Variants in FSTL4 observed in about 807,000 individuals in gnomAD.
The protein encoded by FSTL4 is follistatin like 4, also known as follistatin-related protein 4.
A neutral mutation model predicts 78.2 loss-of-function variants in FSTL4; 28 were observed. That is an observed-to-expected ratio of 0.36 (90% confidence interval 0.27 to 0.49). The LOEUF (loss-of-function observed/expected upper bound fraction) is 0.49, where lower values mean the gene tolerates loss of function less well. Among genes scored for constraint, FSTL4 ranks in the 20% least tolerant of loss-of-function variants. The pLI is 0.98. For synonymous variants in FSTL4, 422 were observed against 440.5 expected (o/e 0.96, Z 0.53); for missense variants, 922 against 1,084.9 (o/e 0.85, Z 2.11).
At chr5:133,308,850 G>A (rs927143345) in intron 6 of FSTL4, among the ~76,000 whole-genome samples, 3 of 152,160 alleles carry the variant, frequency 2.0e-5, no homozygotes, top group African/African-American at 7.2e-5. Context: ...CTGACACCCT[G>A]CCTGTGTGGT....
chr5:133,837,036 T>C, the FSTL4 span, among the ~76,000 whole-genome samples: 1 of 152,142 alleles, frequency 6.6e-6, no homozygotes, highest in South Asian at 2.1e-4. Flanking sequence ...AAATATGGCT[T>C]CTACCCCTCC....
intron 3 of FSTL4, among the ~76,000 whole-genome samples, chr5:133,557,403 G>T (rs73788148): frequency 0.011 from 1,601 of 152,284 alleles, 32 homozygotes; most frequent in African/African-American, 0.037. Flanking sequence ...TATGCTTAGA[G>T]AATTTCCTTT....
the FSTL4 span, among the ~76,000 whole-genome samples, chr5:133,718,534 C>T: frequency 6.6e-6 from 1 of 152,166 alleles, no homozygotes; most frequent in Non-Finnish European, 1.5e-5. Context: ...TACATATACT[C>T]ATGCAAGTTT....
At chr5:133,832,597 A>G in the FSTL4 span, among the ~76,000 whole-genome samples, 3 of 152,380 alleles carry the variant, frequency 2.0e-5, no homozygotes, top group African/African-American at 4.8e-5. Flanking sequence ...CCCATGGGCA[A>G]GTCCATATGG....
chr5:133,786,618 G>T, the FSTL4 span, among the ~76,000 whole-genome samples: 2 of 152,218 alleles, frequency 1.3e-5, no homozygotes, highest in Non-Finnish European at 1.5e-5. Flanking sequence ...ACACCCAGGG[G>T]AGAGGGATGC....
chr5:133,744,495 G>C, the FSTL4 span, among the ~76,000 whole-genome samples: 6 of 152,328 alleles, frequency 3.9e-5, no homozygotes, highest in Admixed American at 1.3e-4. Flanking sequence ...ACATCCCTTT[G>C]TAGGTCCTGC....
At chr5:133,256,400 G>A (rs1470157278) in intron 6 of FSTL4, 2 of 152,288 alleles carry the variant, frequency 1.3e-5, no homozygotes, top group African/African-American at 4.8e-5. Flanking sequence ...TTGGCGAGTA[G>A]GGGAGGAGCC....
chr5:133,644,494 G>C, the FSTL4 span, among the ~76,000 whole-genome samples: 1 of 151,908 alleles, frequency 6.6e-6, no homozygotes, highest in Non-Finnish European at 1.5e-5. Flanking sequence ...CCCAGTGGCC[G>C]GGCCCCAGAG....
At chr5:133,739,286 T>C in the FSTL4 span, among the ~76,000 whole-genome samples, 2 of 120,484 alleles carry the variant, frequency 1.7e-5, no homozygotes, top group African/African-American at 6.0e-5. Context: ...TTTTTCTTTT[T>C]CTTTTTTTTT....
In FSTL4 at chr5:133,312,758, T is replaced by C. The variant is rs145556032; in HGVS notation, c.623A>G (p.Asp208Gly). Reference protein sequence around the residue: ...ELAQHVLKKQDLDEDLLGCSP... With the variant: ...ELAQHVLKKQGLDEDLLGCSP... ...GCAACCAAGTAAGTCTTCATCCAGG[T>C]CCTGCTTCTTCAGCACATGCTGTGG... The change falls in exon 6 of 16, where the codon GAC (aspartate) becomes GGC (glycine). Residue 208 changes from aspartate (D) to glycine (G), a missense_variant. Asp to Gly is a moderately conservative substitution (Grantham distance 94). Transcript: ENST00000265342. 1.2e-6 allele frequency: 2 copies of C among 1,614,128 alleles called. No homozygotes were observed. The highest frequency in any genetic ancestry group is 1.7e-6 in the Non-Finnish European group (2 of 1,179,986).
chr5:133,357,543 A>C (rs1314146033), intron 4 of FSTL4, among the ~76,000 whole-genome samples: 1 of 152,162 alleles, frequency 6.6e-6, no homozygotes, highest in East Asian at 1.9e-4. Flanking sequence ...GAAGGGGCTG[A>C]TTTCAGCTAA....
At chr5:133,706,173 C>G in the FSTL4 span, among the ~76,000 whole-genome samples, 1 of 152,176 alleles carries the variant, frequency 6.6e-6, no homozygotes, top group Non-Finnish European at 1.5e-5. Flanking sequence ...CTCTCCAAAC[C>G]CTATCTGTTA....
At chr5:133,699,183 G>A in the FSTL4 span, among the ~76,000 whole-genome samples, 53,109 of 151,870 alleles carry the variant, frequency 0.35, 10,167 homozygotes, top group African/African-American at 0.51. Context: ...CCCTCACCAT[G>A]AGACTTGGTA....
At chr5:133,624,441 A>G in the FSTL4 span, among the ~76,000 whole-genome samples, 1 of 151,936 alleles carries the variant, frequency 6.6e-6, no homozygotes, top group Non-Finnish European at 1.5e-5. Context: ...GAAGGAATAG[A>G]GAGTAATTAC....
chr5:133,356,272 C>T (rs1222661668), intron 4 of FSTL4, among the ~76,000 whole-genome samples: 3 of 152,256 alleles, frequency 2.0e-5, no homozygotes. Flanking sequence ...CAATCAGCCC[C>T]TTCATTCATG....
At chr5:133,324,927 AC>A (rs1385611808) in intron 4 of FSTL4, among the ~76,000 whole-genome samples, 3 of 152,178 alleles carry the variant, frequency 2.0e-5, no homozygotes, top group African/African-American at 7.2e-5. Context: ...TCCATACCTC[AC>A]CCAGTGGGGA....
At position 133,604,109 on chromosome 5, in the gene FSTL4, C is replaced by T. The variant is rs1760926967; in HGVS notation, c.-10-116G>A. On this transcript the variant is annotated intron_variant, in intron 1 of 15. Transcript: ENST00000265342. ...ATAAGCCTGGGTTTAAATCCTGGCA[C>T]CAAACTTCTGTTCTACCTTGGAGAG... 10 of 716,110 alleles carry T rather than the reference C, an allele frequency of 1.4e-5. No homozygotes were observed. In the Admixed American group the frequency reaches 2.4e-4, roughly 17 times the overall value. 44.4% of individuals were successfully genotyped at this position (716,110 alleles called of 1,614,324 possible).
At chr5:133,442,874 C>T (rs573812008) in intron 3 of FSTL4, among the ~76,000 whole-genome samples, 32 of 152,302 alleles carry the variant, frequency 2.1e-4, no homozygotes, top group African/African-American at 6.7e-4. Context: ...TCATTTTCAT[C>T]GTATCCAAGT....
At chr5:133,568,719 C>T (rs1760084575) in intron 2 of FSTL4, among the ~76,000 whole-genome samples, 1 of 152,198 alleles carries the variant, frequency 6.6e-6, no homozygotes, top group South Asian at 2.1e-4. Context: ...AAACCCAGCT[C>T]CTCCCAAACT....
Sources: gnomAD v4.1 joint callset for allele counts (sites outside exome capture counted in the v4.1 genomes callset) on GRCh38, gnomAD v4.1.1 for gene constraint, MANE v1.5 for transcripts, NCBI Gene and HGNC (gene_info 2026-07-23, HGNC 2026-07-21) for gene names.